Variants in PHACTR4 observed in about 807,000 individuals in gnomAD.
PHACTR4 encodes protein phosphatase 1, regulatory subunit 124.
A neutral mutation model predicts 72.7 loss-of-function variants in PHACTR4; 51 were observed. The ratio of observed to expected loss-of-function variants is 0.70; its 90% confidence interval spans 0.56 to 0.89. PHACTR4 has a LOEUF of 0.89. Ranked by LOEUF, PHACTR4 falls within the 40% of genes least tolerant of loss-of-function variation. The pLI is 0.00. For missense variants in PHACTR4, 731 were observed against 861.8 expected (o/e 0.85, Z 1.90); for synonymous variants, 255 against 302.5 (o/e 0.84, Z 1.63).
chr1:28,397,886 TGTATTTTTA>T (rs1432940019), intron 1 of PHACTR4, among the ~76,000 whole-genome samples: 4 of 151,890 alleles, frequency 2.6e-5, no homozygotes, highest in African/African-American at 9.7e-5. Context: ...TTGTTGTTTT[TGTATTTTTA>T]GTAGAAACGG....
intron 2 of PHACTR4, among the ~76,000 whole-genome samples, chr1:28,428,060 A>C (rs1459016283): frequency 6.6e-6 from 1 of 152,228 alleles, no homozygotes; most frequent in Non-Finnish European, 1.5e-5. Context: ...TTGAACCATT[A>C]TTTAAAACAG....
chr1:28,395,761 C>T (rs1206227119), intron 1 of PHACTR4, among the ~76,000 whole-genome samples: 5 of 147,420 alleles, frequency 3.4e-5, no homozygotes, highest in African/African-American at 7.7e-5. Context: ...CTCAACCTCC[C>T]GAGTAGCTGG....
At chr1:28,431,195 A>AT (rs1265162390) in intron 2 of PHACTR4, among the ~76,000 whole-genome samples, 3 of 136,866 alleles carry the variant, frequency 2.2e-5, no homozygotes, top group African/African-American at 8.7e-5. Context: ...AAAAAAACCA[A>AT]AATATATATA....
chr1:28,433,812 C>T (rs1333975426), intron 2 of PHACTR4, among the ~76,000 whole-genome samples: 3 of 151,326 alleles, frequency 2.0e-5, no homozygotes, highest in East Asian at 1.9e-4. Context: ...GAGACAGTCT[C>T]GCTCTGTCAC....
chr1:28,447,996 TAATC>T (rs1430157846), intron 2 of PHACTR4, among the ~76,000 whole-genome samples: 2 of 152,184 alleles, frequency 1.3e-5, no homozygotes, highest in Non-Finnish European at 2.9e-5. Context: ...AAGCCAATAA[TAATC>T]CTCTTTTAGA....
chr1:28,458,104 G>GTGTT (rs764876067), intron 2 of PHACTR4, among the ~76,000 whole-genome samples: 3 of 107,014 alleles, frequency 2.8e-5, no homozygotes, highest in Non-Finnish European at 5.0e-5. Flanking sequence ...TATGGTGTGT[G>GTGTT]TGTTTGTGTG....
At chr1:28,384,325 T>C (rs4498825) in intron 1 of PHACTR4, among the ~76,000 whole-genome samples, 59,175 of 151,890 alleles carry the variant, frequency 0.39, 13,351 homozygotes, top group African/African-American at 0.62. Context: ...TATTTATTAC[T>C]GACTCAGTTT....
At chr1:28,379,929 A>G (rs897505711) in intron 1 of PHACTR4, among the ~76,000 whole-genome samples, 3 of 151,708 alleles carry the variant, frequency 2.0e-5, no homozygotes, top group Admixed American at 6.6e-5. Context: ...TTATTTTTCC[A>G]TAAGTGGAGT....
chr1:28,490,833 A>C, intron 10 of PHACTR4, 118 bp from the exon 11 acceptor site: 1 of 1,075,104 alleles, frequency 9.3e-7, no homozygotes, highest in Non-Finnish European at 1.4e-6. Context: ...ACAAGAGCAA[A>C]ACTCCGTCTC....
intron 1 of PHACTR4, among the ~76,000 whole-genome samples, chr1:28,381,940 G>C (rs1281447739): frequency 6.6e-6 from 1 of 151,874 alleles, no homozygotes; most frequent in Admixed American, 6.6e-5. Flanking sequence ...GCTAATTTTT[G>C]TATTTTTAGT....
intron 1 of PHACTR4, among the ~76,000 whole-genome samples, chr1:28,382,886 T>C (rs2124152924): frequency 6.6e-6 from 1 of 152,138 alleles, no homozygotes; most frequent in African/African-American, 2.4e-5. Flanking sequence ...CTCTGCCTCC[T>C]GGATTCAAGT....
chr1:28,407,511 C>G (rs1654437308), intron 2 of PHACTR4, 48 bp downstream of exon 2: 1 of 1,525,970 alleles, frequency 6.6e-7, no homozygotes, highest in Non-Finnish European at 9.0e-7. Flanking sequence ...TCTGTTTTAT[C>G]CTCACCTCCA....
intron 2 of PHACTR4, among the ~76,000 whole-genome samples, chr1:28,428,952 TA>T (rs1386737032): frequency 1.3e-5 from 2 of 152,236 alleles, no homozygotes; most frequent in African/African-American, 4.8e-5. Context: ...GCTGAGATTT[TA>T]CATAGTTATA....
chr1:28,434,696 T>C (rs1656517986), intron 2 of PHACTR4, among the ~76,000 whole-genome samples: 1 of 152,128 alleles, frequency 6.6e-6, no homozygotes, highest in Admixed American at 6.5e-5. Context: ...GATTTGGCTT[T>C]TATTTTATTT....
At position 28,498,778 on chromosome 1, in the gene PHACTR4, A is replaced by G. The variant is rs1048613650; in HGVS notation, c.*2229A>G. The G allele has an allele frequency of 9.9e-5, 15 of 152,116 alleles. No homozygotes were observed. Among genetic ancestry groups the G allele is most frequent in the African/African-American group, 2.7e-4 (11 of 41,436 alleles). 9.4% of individuals were successfully genotyped at this position (152,116 alleles called of 1,614,324 possible). ...TATGTGGACTTGCTGAAGAAACAGA[A>G]TATCAGTTCAAAACAAAACCTAGGC... On this transcript the variant is annotated 3_prime_UTR_variant, in exon 14 of 14. Transcript: ENST00000373839.
At chr1:28,477,587 A>G (rs1003001037) in intron 8 of PHACTR4, among the ~76,000 whole-genome samples, 1 of 152,132 alleles carries the variant, frequency 6.6e-6, no homozygotes, top group Admixed American at 6.6e-5. Flanking sequence ...AGCACTTATC[A>G]TTTGTTTGTA....
intron 2 of PHACTR4, among the ~76,000 whole-genome samples, chr1:28,422,153 T>A (rs1655549868): frequency 6.6e-6 from 1 of 152,262 alleles, no homozygotes; most frequent in South Asian, 2.1e-4. Context: ...GCCATGTTAT[T>A]CAGCATGATT....
intron 2 of PHACTR4, chr1:28,457,316 C>G (rs1438817941): frequency 1.6e-5 from 7 of 448,990 alleles, no homozygotes; most frequent in East Asian, 7.1e-5. Context: ...AGAGAGAGGC[C>G]AGGTGTGGTG....
At chr1:28,394,482 G>T (rs914578019) in intron 1 of PHACTR4, among the ~76,000 whole-genome samples, 7 of 152,086 alleles carry the variant, frequency 4.6e-5, no homozygotes, top group African/African-American at 1.7e-4. Flanking sequence ...ATGGAGATGG[G>T]ATCTTGCTAT....
Sources: allele counts gnomAD v4.1 joint callset (sites outside exome capture counted in the v4.1 genomes callset), GRCh38; gene constraint gnomAD v4.1.1; transcripts MANE v1.5; gene names NCBI Gene and HGNC (gene_info 2026-07-23, HGNC 2026-07-21).